The following FHIT variants were observed in gnomAD, a reference collection of about 807,000 sequenced individuals.
The protein encoded by FHIT is fragile histidine triad diadenosine triphosphatase.
A neutral mutation model predicts 17.9 loss-of-function variants in FHIT; 19 were observed. That is an observed-to-expected ratio of 1.06 (90% CI 0.74 to 1.56). The LOEUF (loss-of-function observed/expected upper bound fraction) is 1.56. Ranked by LOEUF, FHIT falls within the 40% of genes most tolerant of loss-of-function variation. The pLI, the probability that FHIT is intolerant of heterozygous loss-of-function variation, is 0.00. For synonymous variants in FHIT, 81 were observed against 69.7 expected (o/e 1.16, Z -0.81); for missense variants, 248 against 189.2 (o/e 1.31, Z -1.82).
At chr3:60,529,363 T>A (rs1283781300) in intron 5 of FHIT, among the ~76,000 whole-genome samples, 1 of 152,064 alleles carries the variant, frequency 6.6e-6, no homozygotes, top group Non-Finnish European at 1.5e-5. Context: ...TGTAAAAAAA[T>A]CCACGTATAT....
At chr3:59,965,968 G>A (rs60347439) in intron 7 of FHIT, among the ~76,000 whole-genome samples, 12 of 152,024 alleles carry the variant, frequency 7.9e-5, no homozygotes, top group African/African-American at 2.7e-4. Flanking sequence ...CGTCTTAAAG[G>A]CCTTTCTAGA....
At chr3:60,533,307 T>C (rs1001618394) in intron 5 of FHIT, among the ~76,000 whole-genome samples, 5 of 152,228 alleles carry the variant, frequency 3.3e-5, no homozygotes, top group African/African-American at 1.2e-4. Context: ...CTCTCTATTC[T>C]GTTAACTGGA....
At chr3:60,084,152 G>A (rs1703403632) in intron 5 of FHIT, among the ~76,000 whole-genome samples, 1 of 152,132 alleles carries the variant, frequency 6.6e-6, no homozygotes, top group African/African-American at 2.4e-5. Flanking sequence ...ATACTGAAAG[G>A]TTCAGAGGGG....
At chr3:59,948,943 A>G (rs930704071) in intron 7 of FHIT, among the ~76,000 whole-genome samples, 15 of 152,090 alleles carry the variant, frequency 9.9e-5, no homozygotes, top group Non-Finnish European at 1.5e-5. Context: ...GAGTAAAGGT[A>G]ACTACTGTGT....
At chr3:60,069,182 C>A (rs1296905197) in intron 5 of FHIT, among the ~76,000 whole-genome samples, 1 of 152,132 alleles carries the variant, frequency 6.6e-6, no homozygotes, top group African/African-American at 2.4e-5. Flanking sequence ...ACACACCAGT[C>A]ATCTGACAGT....
chr3:60,339,284 C>T (rs1192470043), intron 5 of FHIT, among the ~76,000 whole-genome samples: 1 of 152,014 alleles, frequency 6.6e-6, no homozygotes, highest in Non-Finnish European at 1.5e-5. Context: ...TAAACCTCTT[C>T]AGTATTAAAG....
chr3:60,042,329 T>C (rs1396065774), intron 5 of FHIT, among the ~76,000 whole-genome samples: 2 of 152,226 alleles, frequency 1.3e-5, no homozygotes, highest in African/African-American at 4.8e-5. Context: ...ATATATCCTT[T>C]GTAGGACTCT....
chr3:60,315,912 T>C (rs753910520), intron 5 of FHIT, among the ~76,000 whole-genome samples: 27 of 152,322 alleles, frequency 1.8e-4, no homozygotes, highest in Non-Finnish European at 7.4e-5. Context: ...CACGTTATCA[T>C]TGTTTTCTCC....
chr3:61,184,172 G>A (rs1011530745), intron 2 of FHIT, among the ~76,000 whole-genome samples: 5 of 152,074 alleles, frequency 3.3e-5, no homozygotes, highest in Admixed American at 6.5e-5. Context: ...CATTTCAGCT[G>A]TTGCCCCTCC....
chr3:60,229,425 A>T (rs930254587), intron 5 of FHIT, among the ~76,000 whole-genome samples: 1 of 135,272 alleles, frequency 7.4e-6, no homozygotes, highest in Non-Finnish European at 1.5e-5. Context: ...CATCAAAAAG[A>T]AAAAAAAAAA....
chr3:60,759,262 G>A (rs1575489074), intron 4 of FHIT, among the ~76,000 whole-genome samples: 1 of 152,248 alleles, frequency 6.6e-6, no homozygotes, highest in South Asian at 2.1e-4. Context: ...TTGCAAATAA[G>A]GTGGCAAGGA....
chr3:59,891,628 C>T (rs191530396), intron 8 of FHIT, among the ~76,000 whole-genome samples: 10 of 152,298 alleles, frequency 6.6e-5, no homozygotes, highest in South Asian at 2.1e-4. Flanking sequence ...ACCTTGCTGA[C>T]GGTAGGTCTG....
chr3:60,663,597 G>C (rs966987217), intron 4 of FHIT, among the ~76,000 whole-genome samples: 1 of 151,752 alleles, frequency 6.6e-6, no homozygotes, highest in Non-Finnish European at 1.5e-5. Flanking sequence ...CACCATGCCC[G>C]GCTAATTTTT....
Position 60,323,064 on chromosome 3 carries a change from T to A in FHIT, c.103+213796A>T, listed in dbSNP as rs563385292. Among the ~76,000 whole-genome samples the A allele has an allele frequency of 8.5e-5, 13 of 152,230 alleles. No homozygotes were observed. In the South Asian group the frequency reaches 2.5e-3, roughly 29 times the overall value. Reference sequence around the variant, plus strand: ...TGGAAGTAGAGCATTCTCCCCACCCTTTCTCCTACTTCCAACTTCCTGCAA... The same window carrying A: ...TGGAAGTAGAGCATTCTCCCCACCCATTCTCCTACTTCCAACTTCCTGCAA... On this transcript the variant is annotated intron_variant, in intron 5 of 9. Transcript: ENST00000492590.
chr3:61,217,743 T>A (rs1046221015), intron 1 of FHIT, among the ~76,000 whole-genome samples: 1 of 152,312 alleles, frequency 6.6e-6, no homozygotes, highest in Middle Eastern at 3.4e-3. Context: ...TACAAGCACA[T>A]ATGAAACATA....
intron 4 of FHIT, among the ~76,000 whole-genome samples, chr3:60,812,171 G>C (rs1553736246): frequency 7.0e-6 from 1 of 143,762 alleles, no homozygotes; most frequent in Non-Finnish European, 1.5e-5. Context: ...TGGAAATACA[G>C]ACTCTTTTTT....
At chr3:60,068,404 G>A (rs1702615460) in intron 5 of FHIT, among the ~76,000 whole-genome samples, 1 of 152,124 alleles carries the variant, frequency 6.6e-6, no homozygotes, top group South Asian at 2.1e-4. Context: ...GGTTAAGCTG[G>A]AGATCTTGAG....
chr3:60,134,840 C>G (rs923147507), intron 5 of FHIT, among the ~76,000 whole-genome samples: 5 of 152,154 alleles, frequency 3.3e-5, no homozygotes, highest in African/African-American at 1.2e-4. Flanking sequence ...TCTGTGGTGT[C>G]AAGCTGTGGT....
intron 2 of FHIT, among the ~76,000 whole-genome samples, chr3:61,131,786 T>C (rs978967532): frequency 2.0e-5 from 3 of 152,204 alleles, no homozygotes; most frequent in African/African-American, 7.2e-5. Flanking sequence ...AGGAATTCTT[T>C]AAAGGTTAGT....
Sources: gnomAD v4.1 joint callset for allele counts (sites outside exome capture counted in the v4.1 genomes callset) on GRCh38, gnomAD v4.1.1 for gene constraint, MANE v1.5 for transcripts, NCBI Gene and HGNC (gene_info 2026-07-23, HGNC 2026-07-21) for gene names.